Variants in ZFHX3 observed in about 807,000 individuals in gnomAD.
ZFHX3 encodes the protein zinc finger homeobox protein 3.
A neutral mutation model predicts 279.1 loss-of-function variants in ZFHX3; 42 were observed. The ratio of observed to expected loss-of-function variants is 0.15; its 90% CI spans 0.12 to 0.19. ZFHX3 has a LOEUF of 0.19. ZFHX3 is among the 10% of genes least tolerant of loss of function. The pLI, the probability that ZFHX3 is intolerant of heterozygous loss-of-function variation, is 1.00. For missense variants in ZFHX3, 4,981 were observed against 4,754.0 expected, an observed-to-expected ratio of 1.05 and a Z score of -1.40; for synonymous variants, 2,293 against 1,957.8, an observed-to-expected ratio of 1.17 and a Z score of -4.52.
At chr16:73,057,402 C>A (rs1054416411) in intron 1 of ZFHX3, among the ~76,000 whole-genome samples, 1 of 152,128 alleles carries the variant, frequency 6.6e-6, no homozygotes, top group African/African-American at 2.4e-5. Flanking sequence ...GATCTACTCT[C>A]CAATAGATAT....
intron 2 of ZFHX3, among the ~76,000 whole-genome samples, chr16:73,550,075 T>G (rs1389090690): frequency 6.6e-6 from 1 of 152,068 alleles, no homozygotes; most frequent in Non-Finnish European, 1.5e-5. Flanking sequence ...GAAAAGGTGA[T>G]TGTTTCACTT....
At chr16:73,271,376 C>T (rs970030243) in intron 4 of ZFHX3, among the ~76,000 whole-genome samples, 2 of 152,232 alleles carry the variant, frequency 1.3e-5, no homozygotes, top group Non-Finnish European at 2.9e-5. Context: ...GGTCACACCC[C>T]CTGCTCACTC....
At chr16:73,582,765 C>T (rs1404231590) in intron 2 of ZFHX3, among the ~76,000 whole-genome samples, 1 of 151,898 alleles carries the variant, frequency 6.6e-6, no homozygotes, top group Non-Finnish European at 1.5e-5. Flanking sequence ...GCATGAGCCA[C>T]CATGCCTGGC....
intron 4 of ZFHX3, among the ~76,000 whole-genome samples, chr16:73,313,899 G>A (rs2015386035): frequency 6.6e-6 from 1 of 152,166 alleles, no homozygotes; most frequent in African/African-American, 2.4e-5. Flanking sequence ...CTTGAACTCA[G>A]GAGTTCGAGA....
At chr16:73,537,524 G>T (rs1156989152) in intron 2 of ZFHX3, among the ~76,000 whole-genome samples, 1 of 152,004 alleles carries the variant, frequency 6.6e-6, no homozygotes, top group Non-Finnish European at 1.5e-5. Flanking sequence ...CGCCATGTTG[G>T]CCAGGATGGT....
intron 3 of ZFHX3, among the ~76,000 whole-genome samples, chr16:73,447,694 C>T (rs772429233): frequency 1.3e-5 from 2 of 152,006 alleles, no homozygotes; most frequent in Non-Finnish European, 2.9e-5. Flanking sequence ...TAAACTGCTG[C>T]TAAGAGGAAA....
intron 5 of ZFHX3, among the ~76,000 whole-genome samples, chr16:73,179,824 C>T (rs536044763): frequency 5.9e-5 from 9 of 152,244 alleles, no homozygotes; most frequent in South Asian, 2.1e-4. Context: ...GGGGTTGCGC[C>T]GTGACTGGTT....
chr16:72,958,522 T>C lies in ZFHX3; in HGVS notation c.1624A>G (p.Thr542Ala). The stretch of plus-strand genomic sequence containing the variant: ...GTAGAAGCTGTGCCCCTCGACAGGG[T>C]CTGGAGCACGTTAGGCATTAAGGGG... ...NSPLMPNVLQ[T>A]LSRGTASTSS... The change falls in exon 2 of 10, where the codon ACC (threonine) becomes GCC (alanine). Residue 542 changes from threonine to alanine, a missense_variant. This residue lies in a region of ZFHX3 where 1,068 missense variants were observed against 935.2 expected (regional missense o/e 1.14). Coordinates refer to ENST00000268489, the MANE Select transcript of ZFHX3 (RefSeq NM_006885.4). 1 of 1,614,000 alleles carries C rather than the reference T, an allele frequency of 6.2e-7. No homozygotes were observed.
chr16:73,155,514 A>T (rs1274231057), intron 5 of ZFHX3, among the ~76,000 whole-genome samples: 1 of 152,170 alleles, frequency 6.6e-6, no homozygotes, highest in Admixed American at 6.5e-5. Context: ...TGATATAATG[A>T]CACAATGATA....
In ZFHX3 at chr16:72,889,889, G is replaced by C. The variant is rs767897745; in HGVS notation, c.3290C>G (p.Thr1097Ser). 1.2e-6 allele frequency: 2 copies of C among 1,614,066 alleles called. No individual in the cohort carries two copies. Among genetic ancestry groups the C allele is most frequent in the Non-Finnish European group, 1.7e-6 (2 of 1,180,056 alleles). ...CTGGATGAGGTTGAGCTTGGCCTTG[G>C]TGGAGTAGTTGCACAGAACGCAGTG... Reference protein sequence around the residue: ...YYHCVLCNYSTKAKLNLIQHV... With the variant: ...YYHCVLCNYSSKAKLNLIQHV... The change falls in exon 4 of 10, where the codon ACC becomes AGC. Residue 1097 changes from threonine (T) to serine (S), a missense_variant. This residue lies in a region of ZFHX3 where 1,751 missense variants were observed against 1,770.0 expected (regional missense o/e 0.99). Coordinates refer to ENST00000268489, the MANE Select transcript of ZFHX3 (RefSeq NM_006885.4).
At chr16:73,631,925 TCTCACACACA>T (rs1231287453) in intron 2 of ZFHX3, among the ~76,000 whole-genome samples, 12 of 90,948 alleles carry the variant, frequency 1.3e-4, no homozygotes, top group African/African-American at 2.0e-4. Flanking sequence ...TCTCTCTCTC[TCTCACACACA>T]CACACACACA....
intron 3 of ZFHX3, among the ~76,000 whole-genome samples, chr16:73,345,186 T>G (rs979738365): frequency 9.2e-5 from 14 of 152,344 alleles, no homozygotes; most frequent in African/African-American, 2.9e-4. Flanking sequence ...GCTATTTTCT[T>G]TTATTTTCAG....
intron 4 of ZFHX3, among the ~76,000 whole-genome samples, chr16:72,884,027 A>G (rs1210853854): frequency 6.6e-6 from 1 of 152,164 alleles, no homozygotes. Context: ...TATTTACAAA[A>G]AAAAAAAAAG....
At chr16:72,858,431 GA>G (rs926406819) in intron 4 of ZFHX3, among the ~76,000 whole-genome samples, 3 of 152,268 alleles carry the variant, frequency 2.0e-5, no homozygotes, top group East Asian at 1.9e-4. Flanking sequence ...AAAGAGGGGG[GA>G]AAATGTCCTT....
At chr16:73,444,667 A>G (rs1452175067) in intron 3 of ZFHX3, among the ~76,000 whole-genome samples, 1 of 152,232 alleles carries the variant, frequency 6.6e-6, no homozygotes, top group Non-Finnish European at 1.5e-5. Flanking sequence ...TGGCCTCCAG[A>G]AAACATGTTC....
intron 3 of ZFHX3, among the ~76,000 whole-genome samples, chr16:72,914,813 A>C (rs2039402226): frequency 6.6e-6 from 1 of 152,160 alleles, no homozygotes; most frequent in Admixed American, 6.6e-5. Context: ...CAATACGGTG[A>C]AACCCTGTCT....
At chr16:73,725,220 A>T (rs894033095) in intron 1 of ZFHX3, among the ~76,000 whole-genome samples, 3 of 152,244 alleles carry the variant, frequency 2.0e-5, no homozygotes, top group East Asian at 1.9e-4. Context: ...AAAGATTTTT[A>T]AAAAGGCTTT....
chr16:73,296,538 C>A (rs1232342686), intron 4 of ZFHX3, among the ~76,000 whole-genome samples: 1 of 152,136 alleles, frequency 6.6e-6, no homozygotes, highest in Non-Finnish European at 1.5e-5. Context: ...TTGTACATTA[C>A]AAGGCCCAAC....
At chr16:73,857,200 T>G (rs1464933641) in intron 1 of ZFHX3, among the ~76,000 whole-genome samples, 1 of 152,246 alleles carries the variant, frequency 6.6e-6, no homozygotes, top group African/African-American at 2.4e-5. Context: ...CCAATTCAGC[T>G]TAGAGTTTAA....
Sources: gnomAD v4.1 joint callset for allele counts (sites outside exome capture counted in the v4.1 genomes callset) on GRCh38, gnomAD v4.1.1 for gene constraint, gnomAD v4.1.1 regional missense constraint, MANE v1.5 for transcripts, NCBI Gene and HGNC (gene_info 2026-07-23, HGNC 2026-07-21) for gene names.